Variants in ITGB5 observed in about 807,000 individuals in gnomAD.
The protein encoded by ITGB5 is integrin subunit beta 5.
ITGB5 carries 38 observed loss-of-function variants against 84.8 expected under a neutral mutation model. The ratio of observed to expected loss-of-function variants is 0.45; its 90% confidence interval spans 0.35 to 0.59. ITGB5 has a LOEUF of 0.59. Ranked by LOEUF, ITGB5 falls within the 20% of genes least tolerant of loss-of-function variation. The pLI, the probability that ITGB5 is intolerant of heterozygous loss-of-function variation, is 0.01. For missense variants in ITGB5, 905 were observed against 1,034.5 expected, an observed-to-expected ratio of 0.87 and a Z score of 1.72; for synonymous variants, 393 against 414.4, an observed-to-expected ratio of 0.95 and a Z score of 0.63.
intron 9 of ITGB5, among the ~76,000 whole-genome samples, chr3:124,799,778 C>T (rs1279194394): frequency 6.6e-6 from 1 of 152,080 alleles, no homozygotes; most frequent in African/African-American, 2.4e-5. Context: ...GAGCAGGGCC[C>T]GCGCTCTCCT....
At chr3:124,848,645 C>T in intron 3 of ITGB5, 87 bp from the exon 4 acceptor site, 2 of 1,439,092 alleles carry the variant, frequency 1.4e-6, no homozygotes, top group Non-Finnish European at 9.3e-7. Flanking sequence ...AGCTAGTTTG[C>T]CTCTTACTTT....
chr3:124,886,223 C>A lies in ITGB5; in HGVS notation c.70+708G>T, dbSNP rs188972865. On this transcript the variant is annotated intron_variant, in intron 1 of 14. Transcript: ENST00000296181. ...GGGAGTGTGAGGCTCCGAGCGTGTG[C>A]AAATCGCGGGATAAAGTCGGGCAGA... Among the ~76,000 whole-genome samples the A allele has an allele frequency of 3.5e-3, 539 of 152,162 alleles. 6 individuals are homozygous for A. The highest frequency in any genetic ancestry group is 0.011 in the African/African-American group (473 of 41,516).
chr3:124,861,495 T>TATATATATATAC (rs750712591), intron 2 of ITGB5, among the ~76,000 whole-genome samples: 6,442 of 111,414 alleles, frequency 0.058, 222 homozygotes, highest in South Asian at 0.085. Context: ...TATATATATA[T>TATATATATATAC]ACACACACAC....
chr3:124,769,127 G>A lies in ITGB5; in HGVS notation c.1917-14C>T. The A allele has an allele frequency of 1.2e-6, 2 of 1,609,184 alleles. No homozygotes were observed. The highest frequency in any genetic ancestry group is 1.7e-6 in the Non-Finnish European group (2 of 1,175,844). On this transcript the variant is annotated splice_polypyrimidine_tract_variant and intron_variant, in intron 11 of 14. Transcript: ENST00000296181. ...TCGACGCAATCTCTTTGGAAAAGAG[G>A]AGATAAAGGTGGGTGTCAGATAATG...
At chr3:124,896,743 T>C (rs1935110141) in intron 1 of ITGB5, among the ~76,000 whole-genome samples, 1 of 63,546 alleles carries the variant, frequency 1.6e-5, no homozygotes, top group South Asian at 6.6e-4. Flanking sequence ...TGAGACCTTG[T>C]CTTAAAAAAA....
In ITGB5 at chr3:124,763,061, A is replaced by ACCTT. The variant is rs2063716035; in HGVS notation, c.*561_*562insAAGG. 1 of 152,326 alleles carries ACCTT rather than the reference A, an allele frequency of 6.6e-6. No homozygotes were observed. Among genetic ancestry groups the ACCTT allele is most frequent in the African/African-American group, 2.4e-5 (1 of 41,470 alleles). 9.4% of individuals were successfully genotyped at this position (152,326 alleles called of 1,614,324 possible). ...AACACGGACAGGAGAGGAAACTGAC[A>ACCTT]TTTGCAAACGATGTACCTTCAACAG... is the stretch of plus-strand genomic sequence containing the variant. On this transcript the variant is annotated 3_prime_UTR_variant, in exon 15 of 15. Transcript: ENST00000296181.
rs1271187961 is a variant in ITGB5 at position 124,848,680 on chromosome 3, G to A, written c.362-122C>T. On this transcript the variant is annotated intron_variant, in intron 3 of 14. Transcript: ENST00000296181. ...TTCTTTAGTGATTGTGTGCCTCACAGAAGATTTTTCTTGGAAGTAAAGTGC... is the reference window on the plus strand; with the variant it reads ...TTCTTTAGTGATTGTGTGCCTCACAAAAGATTTTTCTTGGAAGTAAAGTGC... 5 of 1,098,264 alleles carry A rather than the reference G, an allele frequency of 4.6e-6. No homozygotes were observed. The African/African-American group carries it at 6.3e-5, about 14-fold the overall frequency. The allele number at this position is 1,098,264 out of a possible 1,614,324, so 68.0% of individuals were successfully genotyped here.
At chr3:124,871,721 G>T (rs1480410210) in intron 2 of ITGB5, among the ~76,000 whole-genome samples, 1 of 152,076 alleles carries the variant, frequency 6.6e-6, no homozygotes, top group African/African-American at 2.4e-5. Flanking sequence ...CAGCTACCTG[G>T]TGGCTGAGGT....
intron 4 of ITGB5, among the ~76,000 whole-genome samples, chr3:124,842,494 C>T (rs2065023932): frequency 1.3e-5 from 2 of 152,170 alleles, no homozygotes; most frequent in Admixed American, 6.5e-5. Flanking sequence ...CAGAGAAGAG[C>T]ATGTGCAAGA....
At chr3:124,852,324 G>A (rs181585748) in intron 3 of ITGB5, among the ~76,000 whole-genome samples, 37 of 152,086 alleles carry the variant, frequency 2.4e-4, no homozygotes, top group Admixed American at 1.7e-3. Context: ...GCTGTTCCAC[G>A]TAATTCCTGC....
intron 2 of ITGB5, among the ~76,000 whole-genome samples, chr3:124,869,481 A>G (rs2065444025): frequency 1.3e-5 from 2 of 152,168 alleles, no homozygotes; most frequent in African/African-American, 4.8e-5. Context: ...GAAGCTGGGT[A>G]GGAGAATCAC....
chr3:124,818,186 C>A (rs1478091390), intron 7 of ITGB5, among the ~76,000 whole-genome samples: 2 of 151,982 alleles, frequency 1.3e-5, no homozygotes, highest in African/African-American at 4.8e-5. Context: ...TAATAGGAAG[C>A]TGAGAGAACG....
At chr3:124,829,636 C>T (rs945018754) in intron 5 of ITGB5, among the ~76,000 whole-genome samples, 2 of 152,314 alleles carry the variant, frequency 1.3e-5, no homozygotes, top group African/African-American at 4.8e-5. Context: ...CTGAAACAAA[C>T]TGGCATGTCC....
At chr3:124,837,506 T>A (rs77599858) in intron 5 of ITGB5, among the ~76,000 whole-genome samples, 3,377 of 152,320 alleles carry the variant, frequency 0.022, 106 homozygotes, top group African/African-American at 0.077. Flanking sequence ...TGGATGCTGT[T>A]AGATGGCCTC....
intron 3 of ITGB5, among the ~76,000 whole-genome samples, chr3:124,851,608 AACACACACACACACACACAC>A (rs3836319): frequency 1.4e-5 from 2 of 145,938 alleles, no homozygotes; most frequent in Admixed American, 6.9e-5. Flanking sequence ...TCAGTAAGAA[AACACACACACACACACACAC>A]ACACACACAC....
At chr3:124,841,644 C>CT in intron 4 of ITGB5, 93 bp from the exon 5 acceptor site, 1 of 1,251,332 alleles carries the variant, frequency 8.0e-7, no homozygotes, top group Non-Finnish European at 1.1e-6. Context: ...TTGAGAGGCA[C>CT]CAATAACTAT....
At chr3:124,799,490 G>A (rs1400536928) in intron 9 of ITGB5, among the ~76,000 whole-genome samples, 2 of 152,194 alleles carry the variant, frequency 1.3e-5, no homozygotes, top group East Asian at 1.9e-4. Context: ...AGCCCGGGAG[G>A]GGGAGGTTGC....
chr3:124,832,165 CA>C (rs1236850661), intron 5 of ITGB5, among the ~76,000 whole-genome samples: 1 of 145,734 alleles, frequency 6.9e-6, no homozygotes, highest in Admixed American at 6.9e-5. Context: ...TACCATTCTA[CA>C]GTTGGCAAAC....
At position 124,841,530 on chromosome 3, in the gene ITGB5, G is replaced by A. The variant is rs369862027; in HGVS notation, c.633C>T (p.Cys211=). 7.7e-5 allele frequency: 125 copies of A among 1,613,432 alleles called. No homozygotes were observed. Among genetic ancestry groups the A allele is most frequent in the African/African-American group, 1.2e-4 (9 of 74,900 alleles). ...GATGGCGGAACCCAAAGGAGGGGAC[G>A]CAATTTGGAAACAACTTGTAACTAG... ...PCIGYKLFPN[C]VPSFGFRHLL... Residue 211 remains cysteine, a synonymous_variant, in exon 5 of 15, where the codon TGC becomes TGT. Transcript: ENST00000296181.
Sources: allele counts gnomAD v4.1 joint callset (sites outside exome capture counted in the v4.1 genomes callset), GRCh38; gene constraint gnomAD v4.1.1; transcripts MANE v1.5; gene names NCBI Gene and HGNC (gene_info 2026-07-23, HGNC 2026-07-21).